Variants in CLASP1 observed in about 807,000 individuals in gnomAD.
CLASP1 encodes the protein CLIP-associating protein 1.
Under a neutral mutation model 192.3 loss-of-function variants are expected in CLASP1, and 38 were observed. The observed-to-expected ratio is 0.20, with a 90% CI of 0.15 to 0.26. CLASP1 has a LOEUF of 0.26. Among genes scored for constraint, CLASP1 ranks in the 10% least tolerant of loss-of-function variants. The pLI is 1.00. For synonymous variants in CLASP1, 691 were observed against 712.8 expected (o/e 0.97, Z 0.49); for missense variants, 1,433 against 1,932.5 (o/e 0.74, Z 4.85).
intron 8 of CLASP1, among the ~76,000 whole-genome samples, chr2:121,476,112 A>T (rs539843080): frequency 1.3e-5 from 2 of 152,356 alleles, no homozygotes; most frequent in South Asian, 4.1e-4. Flanking sequence ...CAGTAAAAAT[A>T]AAGCCAGATT....
At chr2:121,361,976 G>C (rs936161658) in intron 37 of CLASP1, among the ~76,000 whole-genome samples, 1 of 152,212 alleles carries the variant, frequency 6.6e-6, no homozygotes, top group Admixed American at 6.5e-5. Context: ...AGCTACAATT[G>C]TGGTGGAGAT....
intron 1 of CLASP1, among the ~76,000 whole-genome samples, chr2:121,645,112 C>G (rs1008927579): frequency 1.1e-4 from 16 of 152,262 alleles, no homozygotes; most frequent in African/African-American, 3.9e-4. Flanking sequence ...AGACTGCAAG[C>G]CCCTGAAGTG....
intron 35 of CLASP1, among the ~76,000 whole-genome samples, chr2:121,365,819 G>T (rs1314116888): frequency 6.6e-6 from 1 of 152,154 alleles, no homozygotes; most frequent in South Asian, 2.1e-4. Flanking sequence ...ACCAGTCAAG[G>T]TGTTTGGACT....
intron 2 of CLASP1, among the ~76,000 whole-genome samples, chr2:121,539,735 G>A (rs896772215): frequency 2.0e-5 from 3 of 152,150 alleles, no homozygotes; most frequent in Non-Finnish European, 2.9e-5. Flanking sequence ...AGCAACAACA[G>A]GCTTGTTTCT....
chr2:121,559,822 A>C (rs1305532684), intron 2 of CLASP1, among the ~76,000 whole-genome samples: 1 of 152,214 alleles, frequency 6.6e-6, no homozygotes, highest in East Asian at 1.9e-4. Flanking sequence ...TGTAAACTAT[A>C]AAATGGTGAA....
At chr2:121,406,527 C>G (rs1034601202) in intron 25 of CLASP1, among the ~76,000 whole-genome samples, 7 of 152,146 alleles carry the variant, frequency 4.6e-5, no homozygotes, top group African/African-American at 1.2e-4. Flanking sequence ...GAAGATTTCT[C>G]AAATAACATC....
chr2:121,377,633 T>C, exon 34 of CLASP1: 1 of 1,585,002 alleles, frequency 6.3e-7, no homozygotes, highest in African/African-American at 1.3e-5. Context: ...AGGTTCTCTG[T>C]ATCATAGTCC....
intron 2 of CLASP1, among the ~76,000 whole-genome samples, chr2:121,588,577 G>A (rs1004018236): frequency 6.6e-6 from 1 of 152,140 alleles, no homozygotes; most frequent in Non-Finnish European, 1.5e-5. Flanking sequence ...CCAAGCACTG[G>A]GCAGTGCCTG....
At chr2:121,478,962 AC>A (rs2092288890) in intron 8 of CLASP1, among the ~76,000 whole-genome samples, 1 of 27,910 alleles carries the variant, frequency 3.6e-5, no homozygotes, top group Non-Finnish European at 6.8e-5. Flanking sequence ...ACACACACAC[AC>A]CACACACACC....
chr2:121,346,745 C>T (rs1267683792), intron 39 of CLASP1, among the ~76,000 whole-genome samples: 1 of 152,228 alleles, frequency 6.6e-6, no homozygotes, highest in Admixed American at 6.5e-5. Flanking sequence ...CATGAAAAAT[C>T]GGATGGTTTC....
chr2:121,478,078 A>C (rs909486797), intron 8 of CLASP1, among the ~76,000 whole-genome samples: 1 of 152,176 alleles, frequency 6.6e-6, no homozygotes, highest in African/African-American at 2.4e-5. Flanking sequence ...GAACATTAAA[A>C]ATCCTCAAAA....
intron 8 of CLASP1, among the ~76,000 whole-genome samples, 199 bp downstream of exon 8, chr2:121,502,968 A>C (rs1287821095): frequency 2.6e-5 from 4 of 152,190 alleles, no homozygotes; most frequent in African/African-American, 7.2e-5. Flanking sequence ...ATTCGCTAAT[A>C]AATTCAATAC....
At chr2:121,556,156 G>A (rs1396251884) in intron 2 of CLASP1, among the ~76,000 whole-genome samples, 4 of 151,530 alleles carry the variant, frequency 2.6e-5, no homozygotes, top group Admixed American at 6.6e-5. Flanking sequence ...GCTAATTTTC[G>A]TATTTTTTGT....
rs79863827 is a variant in CLASP1 at position 121,355,080 on chromosome 2, G to A, written c.4207-6362C>T. Among the ~76,000 whole-genome samples the A allele has an allele frequency of 4.6e-5, 7 of 152,284 alleles. No homozygotes were observed. The East Asian group carries it at 1.4e-3, about 29-fold the overall frequency. On this transcript the variant is annotated intron_variant, in intron 37 of 39. Coordinates refer to ENST00000263710, the Ensembl canonical transcript of CLASP1. ...CTGAGCTGAAACCCAAACCCAAGGA[G>A]CCCTTCATCTTACAAAAATCCAGGA...
intron 9 of CLASP1, among the ~76,000 whole-genome samples, chr2:121,466,320 C>T (rs901305928): frequency 6.6e-6 from 1 of 152,152 alleles, no homozygotes; most frequent in African/African-American, 2.4e-5. Context: ...AATTAACATT[C>T]CTACAGCTCC....
intron 8 of CLASP1, among the ~76,000 whole-genome samples, chr2:121,500,070 A>G (rs1039863003): frequency 2.0e-5 from 3 of 152,178 alleles, no homozygotes; most frequent in Non-Finnish European, 2.9e-5. Flanking sequence ...ACAAGACTGT[A>G]TATGTAGAAA....
intron 2 of CLASP1, among the ~76,000 whole-genome samples, chr2:121,578,842 A>C (rs1026373746): frequency 6.6e-6 from 1 of 152,152 alleles, no homozygotes; most frequent in Non-Finnish European, 1.5e-5. Context: ...AGGAATTAAA[A>C]ACACACACAC....
At chr2:121,351,372 T>A (rs1356228103) in intron 37 of CLASP1, among the ~76,000 whole-genome samples, 3 of 152,260 alleles carry the variant, frequency 2.0e-5, no homozygotes, top group Non-Finnish European at 4.4e-5. Context: ...GGCATTTCCA[T>A]GTGTGTTTCT....
chr2:121,519,051 G>A (rs1404733730), intron 6 of CLASP1, among the ~76,000 whole-genome samples: 1 of 152,176 alleles, frequency 6.6e-6, no homozygotes, highest in Non-Finnish European at 1.5e-5. Context: ...CAGCTACTTA[G>A]AAAGTCTGGG....
Sources: allele counts gnomAD v4.1 joint callset (sites outside exome capture counted in the v4.1 genomes callset), GRCh38; gene constraint gnomAD v4.1.1; transcripts MANE v1.5; gene names NCBI Gene and HGNC (gene_info 2026-07-23, HGNC 2026-07-21).